ME1: variants seen among roughly 807,000 people sequenced by gnomAD.
ME1 encodes the protein malic enzyme 1.
Under a neutral mutation model 66.4 loss-of-function variants are expected in ME1, and 74 were observed. The ratio of observed to expected loss-of-function variants is 1.11; its 90% CI spans 0.92 to 1.35. The LOEUF (loss-of-function observed/expected upper bound fraction) is 1.35, where lower values mean the gene tolerates loss of function less well. Among genes scored for constraint, ME1 ranks in the 40% most tolerant of loss-of-function variants. ME1 has a pLI of 0.00. For missense variants in ME1, 750 were observed against 694.1 expected (o/e 1.08, Z -0.90); for synonymous variants, 251 against 235.6 (o/e 1.07, Z -0.60).
At chr6:83,351,448 G>T (rs1001491159) in intron 4 of ME1, among the ~76,000 whole-genome samples, 3 of 152,146 alleles carry the variant, frequency 2.0e-5, no homozygotes, top group Non-Finnish European at 4.4e-5. Flanking sequence ...ATAGCCCTGT[G>T]TCTAAGAACA....
chr6:83,342,374 A>G (rs2128543269), intron 5 of ME1, among the ~76,000 whole-genome samples: 1 of 152,312 alleles, frequency 6.6e-6, no homozygotes, highest in African/African-American at 2.4e-5. Context: ...TAACTGTCAG[A>G]GAATTGGTTT....
chr6:83,281,124 CTT>C (rs1437854265), intron 6 of ME1, among the ~76,000 whole-genome samples: 4 of 152,176 alleles, frequency 2.6e-5, no homozygotes, highest in Non-Finnish European at 5.9e-5. Context: ...CTATACAAGT[CTT>C]TGAAAATAAA....
At chr6:83,249,233 ATAC>A (rs1480662996) in intron 7 of ME1, among the ~76,000 whole-genome samples, 1 of 151,722 alleles carries the variant, frequency 6.6e-6, no homozygotes, top group East Asian at 1.9e-4. Context: ...TATTATATAT[ATAC>A]TTTTTTTCTT....
chr6:83,380,044 T>A (rs1431992265), intron 3 of ME1, among the ~76,000 whole-genome samples: 2 of 152,126 alleles, frequency 1.3e-5, no homozygotes, highest in Non-Finnish European at 2.9e-5. Context: ...CTGGCAATGT[T>A]TGTCATAGTT....
chr6:83,382,560 T>C (rs1330276494), intron 3 of ME1, among the ~76,000 whole-genome samples: 2 of 152,124 alleles, frequency 1.3e-5, no homozygotes, highest in African/African-American at 4.8e-5. Context: ...CTAAGAAATA[T>C]CTGCTAGAAT....
intron 5 of ME1, among the ~76,000 whole-genome samples, chr6:83,327,842 C>T (rs1418938680): frequency 6.6e-6 from 1 of 152,106 alleles, no homozygotes; most frequent in African/African-American, 2.4e-5. Context: ...ACGGATCCTA[C>T]CAACATGTGA....
intron 6 of ME1, among the ~76,000 whole-genome samples, chr6:83,254,628 T>C (rs1458865371): frequency 6.6e-6 from 1 of 152,190 alleles, no homozygotes; most frequent in Non-Finnish European, 1.5e-5. Flanking sequence ...TTCTCAGTTT[T>C]CCCCTACATT....
chr6:83,211,737 G>A lies in ME1; in HGVS notation c.*187C>T, dbSNP rs1583320855. The A allele has an allele frequency of 2.4e-6, 1 of 420,082 alleles. No individual in the cohort carries two copies. Among genetic ancestry groups the A allele is most frequent in the Non-Finnish European group, 4.1e-6 (1 of 243,112 alleles). 26.0% of individuals were successfully genotyped at this position (420,082 alleles called of 1,614,324 possible). A position where few individuals can be genotyped will look rare whatever the true frequency, so the allele number is the denominator to read the frequency against. ...AAACCATAAATAACCAGAAGGCAAA[G>A]TGAAGCAAAATTGTCTCATGTGATG... On this transcript the variant is annotated 3_prime_UTR_variant, in exon 14 of 14. Transcript: ENST00000369705.
chr6:83,347,626 A>G (rs758488876), intron 4 of ME1, among the ~76,000 whole-genome samples: 21 of 152,206 alleles, frequency 1.4e-4, no homozygotes, highest in Non-Finnish European at 2.1e-4. Flanking sequence ...GGCACACAGT[A>G]AACAATCAAT....
At chr6:83,391,292 A>G (rs1292942216) in intron 3 of ME1, among the ~76,000 whole-genome samples, 2 of 152,162 alleles carry the variant, frequency 1.3e-5, no homozygotes, top group African/African-American at 4.8e-5. Context: ...AAGTAAAAAT[A>G]GGCTACCTAC....
chr6:83,360,685 C>T (rs749886136), intron 3 of ME1, among the ~76,000 whole-genome samples: 5 of 152,206 alleles, frequency 3.3e-5, no homozygotes, highest in African/African-American at 7.2e-5. Context: ...TTAGTGCCAC[C>T]ATCAAGGACT....
chr6:83,406,224 G>A (rs56828956), intron 2 of ME1, among the ~76,000 whole-genome samples: 136 of 152,206 alleles, frequency 8.9e-4, no homozygotes, highest in Admixed American at 3.3e-3. Context: ...TGCTGGATTC[G>A]GTTTGCAAGT....
At chr6:83,313,391 C>T (rs1370407881) in intron 6 of ME1, among the ~76,000 whole-genome samples, 1 of 150,980 alleles carries the variant, frequency 6.6e-6, no homozygotes, top group African/African-American at 2.5e-5. Context: ...CTCAATTCCA[C>T]ATTTAAAAAA....
intron 6 of ME1, among the ~76,000 whole-genome samples, chr6:83,289,973 G>T (rs932905973): frequency 6.6e-5 from 10 of 152,236 alleles, no homozygotes; most frequent in African/African-American, 2.4e-4. Flanking sequence ...GGGATTGGTG[G>T]TGATATCCCC....
At chr6:83,225,758 T>G (rs570745738) in intron 11 of ME1, among the ~76,000 whole-genome samples, 1 of 150,062 alleles carries the variant, frequency 6.7e-6, no homozygotes, top group South Asian at 2.1e-4. Flanking sequence ...AATTATTACT[T>G]CATATATAAA....
intron 4 of ME1, among the ~76,000 whole-genome samples, chr6:83,350,070 AT>A (rs1218659512): frequency 1.3e-5 from 2 of 152,126 alleles, no homozygotes; most frequent in Admixed American, 1.3e-4. Flanking sequence ...AATACCACAC[AT>A]TTTGATTATA....
At chr6:83,351,942 T>C in intron 4 of ME1, 122 bp downstream of exon 4, 1 of 498,562 alleles carries the variant, frequency 2.0e-6, no homozygotes. Context: ...AATTAGGTGA[T>C]ATTCACTAGA....
At chr6:83,306,067 A>G (rs1365152990) in intron 6 of ME1, among the ~76,000 whole-genome samples, 2 of 152,120 alleles carry the variant, frequency 1.3e-5, no homozygotes, top group African/African-American at 4.8e-5. Flanking sequence ...ATTTTAACCT[A>G]CAAGATATTG....
At chr6:83,406,971 TACACACAC>T (rs59788379) in intron 2 of ME1, among the ~76,000 whole-genome samples, 21 of 143,876 alleles carry the variant, frequency 1.5e-4, no homozygotes, top group Non-Finnish European at 1.8e-4. Context: ...TTTTCATTCA[TACACACAC>T]ACACACACAC....
Sources: allele counts gnomAD v4.1 joint callset (sites outside exome capture counted in the v4.1 genomes callset), GRCh38; gene constraint gnomAD v4.1.1; transcripts MANE v1.5; gene names NCBI Gene and HGNC (gene_info 2026-07-23, HGNC 2026-07-21).